PACS2: variants seen among roughly 807,000 people sequenced by gnomAD.
PACS2 encodes PACS1-like protein.
PACS2 carries 36 observed loss-of-function variants against 113.0 expected under a neutral mutation model. That is an observed-to-expected ratio of 0.32 (90% CI 0.24 to 0.42). The LOEUF is 0.42. PACS2 is among the 10% of genes least tolerant of loss of function. The pLI is 1.00. For synonymous variants in PACS2, 589 were observed against 536.1 expected (o/e 1.10, Z -1.36); for missense variants, 1,015 against 1,239.5 (o/e 0.82, Z 2.72).
intron 1 of PACS2, among the ~76,000 whole-genome samples, chr14:105,342,799 G>A (rs1437707171): frequency 2.0e-5 from 3 of 151,820 alleles, no homozygotes; most frequent in Non-Finnish European, 4.4e-5. Context: ...GCTGGGTGTG[G>A]TGGTGCACGC....
intron 19 of PACS2, among the ~76,000 whole-genome samples, chr14:105,388,272 C>T (rs886140736): frequency 6.6e-6 from 1 of 152,234 alleles, no homozygotes; most frequent in South Asian, 2.1e-4. Context: ...CCGCCGTCTC[C>T]TCACACTGGC....
intron 1 of PACS2, among the ~76,000 whole-genome samples, chr14:105,328,056 A>G (rs587689915): frequency 3.9e-5 from 6 of 152,396 alleles, no homozygotes; most frequent in African/African-American, 1.2e-4. Flanking sequence ...GGATTCGTCA[A>G]CCTTCAGTGG....
intron 7 of PACS2, 92 bp downstream of exon 7, chr14:105,368,631 A>G (rs587633912): frequency 1.9e-5 from 18 of 949,932 alleles, no homozygotes; most frequent in African/African-American, 1.6e-5. Context: ...GGGCGTGGGA[A>G]GTGAGATCTC....
At chr14:105,383,550 A>C (rs587770390) in intron 16 of PACS2, 37 bp downstream of exon 16, 7 of 1,548,374 alleles carry the variant, frequency 4.5e-6, no homozygotes. Flanking sequence ...CTGGGCACAG[A>C]TGCCACGGGC....
upstream of PACS2, among the ~76,000 whole-genome samples, chr14:105,313,378 C>T (rs932403114): frequency 3.3e-4 from 50 of 152,228 alleles, no homozygotes; most frequent in African/African-American, 1.2e-3. Context: ...GATCCACCGG[C>T]CCTCTGCCCG....
At chr14:105,325,160 G>T (rs1424157610) in intron 1 of PACS2, among the ~76,000 whole-genome samples, 1 of 149,490 alleles carries the variant, frequency 6.7e-6, no homozygotes, top group East Asian at 2.0e-4. Context: ...CCGTCGTAGG[G>T]TGGTGGGACG....
chr14:105,367,930 C>A, intron 5 of PACS2, 144 bp from the exon 6 acceptor site: 3 of 671,530 alleles, frequency 4.5e-6, no homozygotes, highest in South Asian at 1.6e-5. Context: ...GGCCACGGCA[C>A]CTGTGTCTGG....
intron 3 of PACS2, among the ~76,000 whole-genome samples, chr14:105,353,844 G>A (rs587623865): frequency 7.9e-5 from 12 of 152,130 alleles, no homozygotes; most frequent in East Asian, 1.9e-4. Context: ...TGCCTGCCTC[G>A]GCCTCTCAAA....
intron 1 of PACS2, among the ~76,000 whole-genome samples, chr14:105,344,297 T>G (rs2059839238): frequency 6.6e-6 from 1 of 151,864 alleles, no homozygotes; most frequent in Admixed American, 6.6e-5. Context: ...ATTAATTAAT[T>G]GATTTATTTT....
intron 3 of PACS2, among the ~76,000 whole-genome samples, chr14:105,353,670 T>C (rs769627179): frequency 3.2e-4 from 48 of 152,016 alleles, no homozygotes; most frequent in African/African-American, 1.1e-3. Flanking sequence ...CTTGGCTCAC[T>C]GCAACCTCCA....
At chr14:105,304,586 A>G (rs1256953049) in intron 1 of PACS2, among the ~76,000 whole-genome samples, 2 of 152,264 alleles carry the variant, frequency 1.3e-5, no homozygotes, top group Non-Finnish European at 2.9e-5. Context: ...GCCTTTGCTC[A>G]GATGGGCTGC....
chr14:105,345,108 C>CAAAAAAAAAA (rs2059871767), intron 1 of PACS2, among the ~76,000 whole-genome samples: 1 of 136,526 alleles, frequency 7.3e-6, no homozygotes, highest in African/African-American at 2.8e-5. Context: ...GACTCCATCT[C>CAAAAAAAAAA]AAAAAAGATG....
At chr14:105,359,118 G>A (rs115485540) in intron 4 of PACS2, among the ~76,000 whole-genome samples, 2,252 of 151,990 alleles carry the variant, frequency 0.015, 59 homozygotes, top group African/African-American at 0.052. Flanking sequence ...GACCTCCCAG[G>A]CCTTCGCATC....
Position 105,382,024 on chromosome 14 carries a change from C to A in PACS2, c.1379C>A (p.Pro460Gln). Reference protein sequence around the residue: ...RANSLDNERCPDARSQLQVQL... With the variant: ...RANSLDNERCQDARSQLQVQL... ...AACAGCCTGGACAACGAGCGCTGCC[C>A]GGACGCCCGGAGCCAGCTACAGGTG... The change falls in exon 13 of 25, where the codon CCG becomes CAG. Residue 460 changes from proline to glutamine, a missense_variant. Physicochemically the swap from Pro to Gln is moderately conservative, Grantham distance 76. This residue lies in a region of PACS2 where 859 missense variants were observed against 1,056.8 expected (regional missense o/e 0.81). Coordinates refer to ENST00000447393, the MANE Select transcript of PACS2 (RefSeq NM_001100913.3). The A allele has an allele frequency of 6.5e-7, 1 of 1,549,484 alleles. No individual in the cohort carries two copies.
At chr14:105,385,065 TG>T in intron 18 of PACS2, 78 bp downstream of exon 18, 1 of 945,954 alleles carries the variant, frequency 1.1e-6, no homozygotes, top group East Asian at 2.6e-5. Context: ...CACCCGCTGC[TG>T]GGCTTGGCCT....
chr14:105,314,433 T>G (rs1286482950), upstream of PACS2: 1 of 139,504 alleles, frequency 7.2e-6, no homozygotes, highest in Non-Finnish European at 1.5e-5. Flanking sequence ...CCCACGACTC[T>G]CCCGGCCCTT....
chr14:105,362,772 A>T (rs1299952255), intron 4 of PACS2, among the ~76,000 whole-genome samples: 3 of 151,970 alleles, frequency 2.0e-5, no homozygotes, highest in Non-Finnish European at 4.4e-5. Flanking sequence ...AATCGCTTGA[A>T]CCTGGGAGGC....
intron 1 of PACS2, among the ~76,000 whole-genome samples, chr14:105,319,513 CAT>C (rs1452560145): frequency 2.6e-5 from 4 of 152,214 alleles, no homozygotes; most frequent in African/African-American, 2.4e-5. Context: ...TTGTTGCTAA[CAT>C]ATAGAAATTC....
chr14:105,385,894 C>T (rs2081160778), intron 19 of PACS2, among the ~76,000 whole-genome samples, 177 bp downstream of exon 19: 1 of 152,172 alleles, frequency 6.6e-6, no homozygotes, highest in Non-Finnish European at 1.5e-5. Context: ...GTGGCCCCAA[C>T]CCGAGTCACT....
Sources: gnomAD v4.1 joint callset for allele counts (sites outside exome capture counted in the v4.1 genomes callset) on GRCh38, gnomAD v4.1.1 for gene constraint, gnomAD v4.1.1 regional missense constraint, MANE v1.5 for transcripts, NCBI Gene and HGNC (gene_info 2026-07-23, HGNC 2026-07-21) for gene names.